The following ELAPOR1 variants were observed in gnomAD, a reference collection of about 807,000 sequenced individuals.
ELAPOR1 encodes the protein endosome-lysosome associated apoptosis and autophagy regulator 1.
In ELAPOR1, 77 loss-of-function variants were observed where a neutral mutation model predicts 119.7. The observed-to-expected ratio is 0.64, with a 90% confidence interval of 0.54 to 0.78. ELAPOR1 has a LOEUF of 0.78. Ranked by LOEUF, ELAPOR1 falls within the 30% of genes least tolerant of loss-of-function variation. The probability of loss-of-function intolerance (pLI) is 0.00; values close to 1 mark genes in which losing one functional copy is unlikely to be tolerated. For missense variants in ELAPOR1, 1,115 were observed against 1,270.4 expected (o/e 0.88, Z 1.86); for synonymous variants, 481 against 487.2 (o/e 0.99, Z 0.17).
At chr1:109,174,440 A>AAAAAAAAAAAAAC (rs1652127927) in intron 7 of ELAPOR1, among the ~76,000 whole-genome samples, 1 of 146,496 alleles carries the variant, frequency 6.8e-6, no homozygotes, top group Non-Finnish European at 1.5e-5. Flanking sequence ...AAAAAAAAAA[A>AAAAAAAAAAAAAC]AAAAAAAATC....
In ELAPOR1 at chr1:109,114,237, TGA is replaced by T. The variant is rs1647811140; in HGVS notation, c.58_59del (p.Arg20AlafsTer33). On this transcript the variant is annotated frameshift_variant, in exon 1 of 22. Transcript: ENST00000369939. LOFTEE classifies it high-confidence loss of function. ...TCTCCGCCAGAGTCAGGGGAAGAACTGAGAGGCGCATACCCCGGCTGTGGCGG... is the reference window on the plus strand; with the variant it reads ...TCTCCGCCAGAGTCAGGGGAAGAACTGAGGCGCATACCCCGGCTGTGGCGG... ...HLSARVRGRTERRIPRLWRLL... is the reference protein window; with the variant it reads ...HLSARVRGRTXRRIPRLWRLL... 1 of 1,604,966 alleles carries T rather than the reference TGA, an allele frequency of 6.2e-7. No homozygotes were observed.
chr1:109,185,170 T>C lies in ELAPOR1; in HGVS notation c.1041+37T>C, dbSNP rs765103795. Reference sequence around the variant, plus strand: ...AGTCTTGGAGCCCCTTAGCCCCAGATGGACTGTCTCCCACTCCCTGAGGTT... The same window carrying C: ...AGTCTTGGAGCCCCTTAGCCCCAGACGGACTGTCTCCCACTCCCTGAGGTT... On this transcript the variant is annotated intron_variant, in intron 8 of 21. Transcript: ENST00000369939. The C allele has an allele frequency of 1.6e-5, 24 of 1,492,768 alleles. 1 individual carries two copies. The South Asian group carries it at 2.7e-4, about 17-fold the overall frequency. The allele number at this position is 1,492,768 out of a possible 1,614,324, so 92.5% of individuals were successfully genotyped here.
At chr1:109,162,199 A>T (rs1035824258) in intron 2 of ELAPOR1, among the ~76,000 whole-genome samples, 185 bp downstream of exon 2, 2 of 152,264 alleles carry the variant, frequency 1.3e-5, no homozygotes, top group African/African-American at 4.8e-5. Context: ...TCATGAATGC[A>T]AACTGGATAT....
At chr1:109,167,686 G>A (rs191399618) in intron 3 of ELAPOR1, among the ~76,000 whole-genome samples, 1 of 152,088 alleles carries the variant, frequency 6.6e-6, no homozygotes, top group Admixed American at 6.6e-5. Flanking sequence ...ACAGCTCACT[G>A]CAGCCTCAAC....
intron 20 of ELAPOR1, 33 bp downstream of exon 20, chr1:109,200,270 A>G (rs1360952771): frequency 1.2e-5 from 20 of 1,604,014 alleles, no homozygotes; most frequent in Non-Finnish European, 1.7e-5. Flanking sequence ...GTGGGGATGG[A>G]CAGGGTTGGA....
In ELAPOR1 at chr1:109,206,354, G is replaced by C. The variant is rs1247152992; in HGVS notation, c.*3342G>C. Reference sequence around the variant, plus strand: ...TCTATGAACAAAGGCTTTAGTCCTTGACCCAGGGCTAAAGTGGTCTGTCCA... The same window carrying C: ...TCTATGAACAAAGGCTTTAGTCCTTCACCCAGGGCTAAAGTGGTCTGTCCA... On this transcript the variant is annotated 3_prime_UTR_variant, in exon 22 of 22. Transcript: ENST00000369939. 3 of 152,204 alleles carry C rather than the reference G, an allele frequency of 2.0e-5. No homozygotes were observed. The East Asian group carries it at 5.8e-4, about 29-fold the overall frequency. The allele number at this position is 152,204 out of a possible 1,614,324, so 9.4% of individuals were successfully genotyped here. A position where few individuals can be genotyped will look rare whatever the true frequency, so the allele number is the denominator to read the frequency against.
In ELAPOR1 at chr1:109,198,041, T is replaced by G; in HGVS notation, c.2365T>G (p.Ser789Ala). Residue 789 changes from serine to alanine, a missense_variant, in exon 17 of 22, where the codon TCC becomes GCC. Physicochemically the swap from Ser to Ala is moderately conservative, Grantham distance 99. Coordinates refer to ENST00000369939, the MANE Select transcript of ELAPOR1 (RefSeq NM_020775.5). ...CCCAGCTGAACTTTTCCACCTGGAG[T>G]CCTTGGGAATACCGGACGTGATCTT... ...TSPAELFHLE[S>A]LGIPDVIFFY... The G allele has an allele frequency of 6.2e-7, 1 of 1,613,934 alleles. No homozygotes were observed. Among genetic ancestry groups the G allele is most frequent in the Non-Finnish European group, 8.5e-7 (1 of 1,179,906 alleles).
chr1:109,155,332 C>A (rs1249209954), intron 1 of ELAPOR1, among the ~76,000 whole-genome samples: 4 of 152,224 alleles, frequency 2.6e-5, no homozygotes, highest in South Asian at 4.1e-4. Flanking sequence ...CCCACCATCA[C>A]GCCCGGCTAA....
At position 109,202,851 on chromosome 1, in the gene ELAPOR1, G is replaced by A. The variant is rs760110746; in HGVS notation, c.2974-93G>A. ...AGCCACTGAAACAGGAATTTCATAA[G>A]GGTTCCTTCTGTCACCTATTTTCCA... is the stretch of plus-strand genomic sequence containing the variant. On this transcript the variant is annotated intron_variant, in intron 21 of 21. Coordinates refer to ENST00000369939, the MANE Select transcript of ELAPOR1 (RefSeq NM_020775.5). 1.6e-4 allele frequency: 187 copies of A among 1,166,262 alleles called. 1 individual carries two copies. Among genetic ancestry groups the A allele is most frequent in the Non-Finnish European group, 2.1e-4 (164 of 773,480 alleles). The allele number at this position is 1,166,262 out of a possible 1,614,324, so 72.2% of individuals were successfully genotyped here. A position where few individuals can be genotyped will look rare whatever the true frequency, so the allele number is the denominator to read the frequency against.
intron 8 of ELAPOR1, chr1:109,187,471 G>A: frequency 1.0e-6 from 1 of 999,212 alleles, no homozygotes; most frequent in Non-Finnish European, 1.2e-6. Flanking sequence ...TCATATGTAT[G>A]GTATCTGCAC....
At chr1:109,119,706 TA>T in intron 1 of ELAPOR1, among the ~76,000 whole-genome samples, 1 of 152,222 alleles carries the variant, frequency 6.6e-6, no homozygotes, top group Non-Finnish European at 1.5e-5. Flanking sequence ...TTCCACGATT[TA>T]AAAATTAGTT....
intron 1 of ELAPOR1, among the ~76,000 whole-genome samples, chr1:109,146,605 A>C (rs1650193951): frequency 6.6e-6 from 1 of 152,240 alleles, no homozygotes; most frequent in Non-Finnish European, 1.5e-5. Flanking sequence ...TAAGAGAGAA[A>C]TGTAAAAGGA....
At chr1:109,133,019 C>A (rs951635170) in intron 1 of ELAPOR1, among the ~76,000 whole-genome samples, 2 of 152,050 alleles carry the variant, frequency 1.3e-5, no homozygotes, top group Admixed American at 6.6e-5. Context: ...CACTTGAGTC[C>A]AGGAGCTGAA....
intron 8 of ELAPOR1, 87 bp downstream of exon 8, chr1:109,185,220 T>G: frequency 9.9e-7 from 1 of 1,007,728 alleles, no homozygotes; most frequent in Admixed American, 1.7e-5. Flanking sequence ...ACTTCAGCAG[T>G]CAATGACATT....
chr1:109,187,613 C>T lies in ELAPOR1; in HGVS notation c.1042-564C>T, dbSNP rs575194119. 3 of 1,002,326 alleles carry T rather than the reference C, an allele frequency of 3.0e-6. No individual in the cohort carries two copies. The African/African-American group carries it at 5.2e-5, about 17-fold the overall frequency. 62.1% of individuals were successfully genotyped at this position (1,002,326 alleles called of 1,614,324 possible). ...GACTCAGCCGGGGTCTCCTGCGGGT[C>T]ATCTCCACTTCTGTACCCAATGCAG... On this transcript the variant is annotated intron_variant, in intron 8 of 21. Coordinates refer to ENST00000369939, the MANE Select transcript of ELAPOR1 (RefSeq NM_020775.5).
intron 15 of ELAPOR1, among the ~76,000 whole-genome samples, chr1:109,196,416 A>C (rs779277329): frequency 1.3e-5 from 2 of 152,212 alleles, no homozygotes; most frequent in Non-Finnish European, 2.9e-5. Flanking sequence ...TTAGGAAATA[A>C]GACTGATTAA....
chr1:109,201,724 C>CT (rs1018259471), intron 21 of ELAPOR1, among the ~76,000 whole-genome samples: 1 of 151,602 alleles, frequency 6.6e-6, no homozygotes, highest in East Asian at 1.9e-4. Flanking sequence ...ACTGCGATTT[C>CT]TTTTTTTTTA....
intron 1 of ELAPOR1, among the ~76,000 whole-genome samples, chr1:109,155,064 C>T (rs1238282893): frequency 2.6e-5 from 4 of 152,220 alleles, no homozygotes; most frequent in Non-Finnish European, 2.9e-5. Context: ...CCACCACATA[C>T]ACATAAAAGC....
At chr1:109,157,109 T>C (rs764478193) in intron 1 of ELAPOR1, among the ~76,000 whole-genome samples, 1 of 152,190 alleles carries the variant, frequency 6.6e-6, no homozygotes, top group Non-Finnish European at 1.5e-5. Flanking sequence ...TTTTATCTAC[T>C]TGGCTTTCCT....
Sources: allele counts gnomAD v4.1 joint callset (sites outside exome capture counted in the v4.1 genomes callset), GRCh38; gene constraint gnomAD v4.1.1; transcripts MANE v1.5; gene names NCBI Gene and HGNC (gene_info 2026-07-23, HGNC 2026-07-21).